Variants in MEGF6 observed in about 807,000 individuals in gnomAD.
MEGF6 encodes multiple EGF like domains 6.
A neutral mutation model predicts 207.1 loss-of-function variants in MEGF6; 184 were observed. The ratio of observed to expected loss-of-function variants is 0.89; its 90% confidence interval spans 0.79 to 1.00. The LOEUF is 1.00. Among genes scored for constraint, MEGF6 ranks in the 50% least tolerant of loss-of-function variants. The pLI is 0.00. For missense variants in MEGF6, 2,282 were observed against 2,202.9 expected, an observed-to-expected ratio of 1.04 and a Z score of -0.72; for synonymous variants, 1,038 against 910.0, an observed-to-expected ratio of 1.14 and a Z score of -2.53.
At chr1:3,514,025 G>T (rs995497546) in intron 7 of MEGF6, among the ~76,000 whole-genome samples, 1 of 152,032 alleles carries the variant, frequency 6.6e-6, no homozygotes, top group Non-Finnish European at 1.5e-5. Context: ...GAGGCGGGCG[G>T]ATCACAAGGT....
intron 3 of MEGF6, among the ~76,000 whole-genome samples, chr1:3,585,471 CAT>C (rs745697786): frequency 7.2e-6 from 1 of 138,806 alleles, no homozygotes; most frequent in Non-Finnish European, 1.5e-5. Flanking sequence ...GTGAGTGACA[CAT>C]GTCCTGTGTG....
rs773804691 is a variant in MEGF6, at chr1:3,506,157, G to A, written c.1869C>T (p.Tyr623=). 1.4e-5 allele frequency: 23 copies of A among 1,594,842 alleles called. No individual in the cohort carries two copies. Among genetic ancestry groups the A allele is most frequent in the Admixed American group, 5.2e-5 (3 of 57,892 alleles). ...CANRGRCHRL[Y]GACLCDPGLY... ...GCCCTGGGTCGCAGAGGCAGGCCCC[G>A]TAGAGGCGGTGGCACCGGCCCCGGT... Residue 623 remains tyrosine, a synonymous_variant, in exon 15 of 37, where the codon TAC becomes TAT. Transcript: ENST00000356575.
chr1:3,502,050 C>CCACCTCCTCACAT (rs1640912825), intron 17 of MEGF6, 129 bp from the exon 18 acceptor site: 5 of 38,116 alleles, frequency 1.3e-4, no homozygotes, highest in East Asian at 5.5e-4. Context: ...TGTGCCCCCC[C>CCACCTCCTCACAT]GGCGCCTCCT....
intron 4 of MEGF6, among the ~76,000 whole-genome samples, chr1:3,566,778 C>G (rs947356): frequency 0.27 from 41,463 of 152,152 alleles, 5,887 homozygotes; most frequent in African/African-American, 0.3. Flanking sequence ...GGGATCCCAG[C>G]AGACACCTGG....
intron 2 of MEGF6, among the ~76,000 whole-genome samples, chr1:3,598,857 C>T (rs899387232): frequency 2.0e-5 from 3 of 152,160 alleles, no homozygotes; most frequent in African/African-American, 4.8e-5. Flanking sequence ...CCACCCCTTC[C>T]TTCTCAGGGA....
At chr1:3,519,697 A>C (rs934565164) in intron 5 of MEGF6, among the ~76,000 whole-genome samples, 4 of 152,226 alleles carry the variant, frequency 2.6e-5, no homozygotes, top group African/African-American at 9.6e-5. Context: ...GTCAGAGGGC[A>C]GCAAGGCGGC....
intron 35 of MEGF6, among the ~76,000 whole-genome samples, 163 bp from the exon 36 acceptor site, chr1:3,491,122 G>A (rs1201321047): frequency 1.6e-5 from 2 of 125,110 alleles, no homozygotes; most frequent in African/African-American, 5.3e-5. Flanking sequence ...GAACGGGGGC[G>A]GGAGCTGGGG....
At chr1:3,586,241 G>A (rs1233679166) in intron 3 of MEGF6, among the ~76,000 whole-genome samples, 1 of 152,246 alleles carries the variant, frequency 6.6e-6, no homozygotes, top group Non-Finnish European at 1.5e-5. Flanking sequence ...TGTGAGCGAG[G>A]AGACATGTCC....
the MEGF6 span, chr1:3,623,143 C>T: frequency 1.4e-5 from 2 of 145,360 alleles, no homozygotes; most frequent in Non-Finnish European, 3.0e-5. Flanking sequence ...CATTCTCCCT[C>T]TTTCTCCCCC....
chr1:3,587,703 C>G (rs1444495937), intron 3 of MEGF6, among the ~76,000 whole-genome samples: 1 of 152,196 alleles, frequency 6.6e-6, no homozygotes, highest in Non-Finnish European at 1.5e-5. Context: ...ATGCGTGGAC[C>G]TGGCTATCTC....
rs372752132 is a variant in MEGF6, at chr1:3,602,468, C to T, written c.264G>A (p.Arg88=). The change falls in exon 2 of 37, where the codon CGG becomes CGA. Residue 88 remains arginine, a splice_region_variant and synonymous_variant. Coordinates refer to ENST00000356575, the MANE Select transcript of MEGF6 (RefSeq NM_001409.4). ...GWQAWCVGHE[R]RTVYYMGYRQ... The stretch of plus-strand genomic sequence containing the variant: ...CCAACACGGGCCCCTGCACTTACCT[C>T]CGCTCATGACCCACGCACCACGCCT... 9.3e-6 allele frequency: 15 copies of T among 1,613,284 alleles called. No homozygotes were observed. The African/African-American group carries it at 1.7e-4, about 19-fold the overall frequency.
chr1:3,568,958 ATGAGAGCTGTCAGGC>A (rs942156115), intron 4 of MEGF6, among the ~76,000 whole-genome samples: 17 of 152,194 alleles, frequency 1.1e-4, no homozygotes, highest in African/African-American at 3.4e-4. Context: ...AGTGTGGCCC[ATGAGAGCTGTCAGGC>A]TGGGCACTGC....
intron 3 of MEGF6, among the ~76,000 whole-genome samples, chr1:3,591,933 G>A (rs1643986894): frequency 6.6e-6 from 1 of 152,146 alleles, no homozygotes; most frequent in Non-Finnish European, 1.5e-5. Context: ...CGACCTGGAG[G>A]GAACTGAGCC....
intron 4 of MEGF6, among the ~76,000 whole-genome samples, chr1:3,574,112 C>T (rs1386318182): frequency 6.6e-6 from 1 of 151,952 alleles, no homozygotes; most frequent in Non-Finnish European, 1.5e-5. Flanking sequence ...AGGTTTCCTT[C>T]AAAGGTGCAG....
At chr1:3,581,430 C>T (rs56722379) in intron 3 of MEGF6, among the ~76,000 whole-genome samples, 1,693 of 152,240 alleles carry the variant, frequency 0.011, 36 homozygotes, top group East Asian at 0.086. Context: ...GGGTGGGGGC[C>T]AGGGGGCTGC....
chr1:3,514,800 G>T, intron 6 of MEGF6, 128 bp from the exon 7 acceptor site: 3 of 1,119,934 alleles, frequency 2.7e-6, no homozygotes, highest in Non-Finnish European at 2.4e-6. Flanking sequence ...AGGCTGATGG[G>T]CTGGGCAGCG....
chr1:3,497,457 A>T (rs752465981), intron 26 of MEGF6, 96 bp from the exon 27 acceptor site: 4 of 1,374,208 alleles, frequency 2.9e-6, no homozygotes, highest in Non-Finnish European at 3.9e-6. Flanking sequence ...GGTACGACCC[A>T]CCCAATGCTG....
intron 4 of MEGF6, among the ~76,000 whole-genome samples, chr1:3,547,630 C>T (rs375241286): frequency 7.2e-5 from 11 of 152,144 alleles, no homozygotes; most frequent in Non-Finnish European, 1.3e-4. Context: ...CCCTTCCTGG[C>T]GCGTCTCTGG....
intron 26 of MEGF6, chr1:3,497,569 C>G (rs1035852855): frequency 8.3e-6 from 6 of 720,136 alleles, no homozygotes; most frequent in Non-Finnish European, 1.5e-5. Context: ...GGCCTCCCCA[C>G]CGGCAGGCAC....
Sources: allele counts gnomAD v4.1 joint callset (sites outside exome capture counted in the v4.1 genomes callset), GRCh38; gene constraint gnomAD v4.1.1; transcripts MANE v1.5; gene names NCBI Gene and HGNC (gene_info 2026-07-23, HGNC 2026-07-21).